Variants in ITFG1 observed in about 807,000 individuals in gnomAD.
The protein encoded by ITFG1 is integrin alpha FG-GAP repeat containing 1, also known as T-cell immunomodulatory protein.
Under a neutral mutation model 81.8 loss-of-function variants are expected in ITFG1, and 34 were observed. That is an observed-to-expected ratio of 0.42 (90% CI 0.32 to 0.55). ITFG1 has a LOEUF of 0.55. Among genes scored for constraint, ITFG1 ranks in the 20% least tolerant of loss-of-function variants. The pLI, the probability that ITFG1 is intolerant of heterozygous loss-of-function variation, is 0.17. For missense variants in ITFG1, 672 were observed against 755.4 expected, an observed-to-expected ratio of 0.89 and a Z score of 1.29; for synonymous variants, 285 against 270.6, an observed-to-expected ratio of 1.05 and a Z score of -0.52.
At chr16:47,378,729 T>A (rs1467565617) in intron 6 of ITFG1, among the ~76,000 whole-genome samples, 1 of 151,974 alleles carries the variant, frequency 6.6e-6, no homozygotes, top group Non-Finnish European at 1.5e-5. Flanking sequence ...ATAGAAAAAA[T>A]AAATGATTCA....
At chr16:47,290,898 T>C (rs1030248184) in intron 10 of ITFG1, among the ~76,000 whole-genome samples, 1 of 152,214 alleles carries the variant, frequency 6.6e-6, no homozygotes, top group Non-Finnish European at 1.5e-5. Context: ...ATTCCAATCT[T>C]GTTTATTAAT....
chr16:47,416,094 CA>C (rs1968870869), intron 6 of ITFG1, among the ~76,000 whole-genome samples: 1 of 151,940 alleles, frequency 6.6e-6, no homozygotes, highest in African/African-American at 2.4e-5. Flanking sequence ...AACTGTGTCT[CA>C]AAAACAAAAC....
At chr16:47,349,913 A>G (rs541593561) in intron 8 of ITFG1, among the ~76,000 whole-genome samples, 3 of 152,226 alleles carry the variant, frequency 2.0e-5, no homozygotes, top group Non-Finnish European at 4.4e-5. Flanking sequence ...AACTCACTCA[A>G]AACTGGTCAA....
intron 5 of ITFG1, among the ~76,000 whole-genome samples, chr16:47,443,384 C>A (rs1212917866): frequency 6.6e-6 from 1 of 152,126 alleles, no homozygotes; most frequent in African/African-American, 2.4e-5. Context: ...TTGACCCAGA[C>A]GTCCCATTAC....
intron 14 of ITFG1, among the ~76,000 whole-genome samples, chr16:47,173,967 G>A (rs1201582337): frequency 1.3e-5 from 2 of 152,186 alleles, no homozygotes; most frequent in Non-Finnish European, 2.9e-5. Flanking sequence ...TTGAACCAGG[G>A]AGGTGGAGGT....
intron 8 of ITFG1, among the ~76,000 whole-genome samples, chr16:47,333,408 TTAGAGACCTAGCAAGCAGC>T (rs1200428946): frequency 1.3e-5 from 2 of 152,160 alleles, no homozygotes; most frequent in Non-Finnish European, 2.9e-5. Flanking sequence ...TCATCCAGAA[TTAGAGACCTAGCAAGCAGC>T]TGAAAAATAT....
intron 8 of ITFG1, among the ~76,000 whole-genome samples, chr16:47,325,878 C>G (rs1967531093): frequency 6.6e-6 from 1 of 152,104 alleles, no homozygotes; most frequent in South Asian, 2.1e-4. Context: ...GATTCACAGC[C>G]AAATTCTACC....
intron 12 of ITFG1, among the ~76,000 whole-genome samples, chr16:47,246,068 CTAGAG>C (rs1225759985): frequency 2.6e-5 from 4 of 152,250 alleles, no homozygotes; most frequent in East Asian, 1.9e-4. Context: ...TTAGCATAGT[CTAGAG>C]TATTTACTAA....
chr16:47,412,773 A>G (rs1485288846), intron 6 of ITFG1, among the ~76,000 whole-genome samples: 3 of 152,108 alleles, frequency 2.0e-5, no homozygotes, highest in Admixed American at 2.0e-4. Context: ...AGACTCCCAG[A>G]GCATGAAGAC....
At chr16:47,217,144 G>GAA (rs11456301) in intron 14 of ITFG1, among the ~76,000 whole-genome samples, 174 of 150,584 alleles carry the variant, frequency 1.2e-3, no homozygotes, top group African/African-American at 2.4e-3. Context: ...ATCATTATAT[G>GAA]AAAAAAAAAG....
At chr16:47,455,637 C>T (rs918246954) in intron 2 of ITFG1, among the ~76,000 whole-genome samples, 1 of 151,316 alleles carries the variant, frequency 6.6e-6, no homozygotes, top group African/African-American at 2.4e-5. Flanking sequence ...GGCGTGGTGG[C>T]GTGCATCTCT....
intron 12 of ITFG1, among the ~76,000 whole-genome samples, chr16:47,250,146 C>A (rs1372514026): frequency 6.6e-6 from 1 of 152,116 alleles, no homozygotes; most frequent in Non-Finnish European, 1.5e-5. Flanking sequence ...TGCTTCCAGA[C>A]ATTCTTGTCA....
At chr16:47,250,262 T>C (rs912753945) in intron 12 of ITFG1, among the ~76,000 whole-genome samples, 1 of 151,980 alleles carries the variant, frequency 6.6e-6, no homozygotes, top group South Asian at 2.1e-4. Flanking sequence ...ATATGCTCTT[T>C]GTAAAAAAAT....
At chr16:47,181,448 G>T in intron 14 of ITFG1, among the ~76,000 whole-genome samples, 1 of 143,764 alleles carries the variant, frequency 7.0e-6, no homozygotes, top group South Asian at 2.2e-4. Context: ...CCGGGAGGGA[G>T]GTGGGGGGGG....
At chr16:47,398,544 A>G (rs1184705318) in intron 6 of ITFG1, among the ~76,000 whole-genome samples, 1 of 152,176 alleles carries the variant, frequency 6.6e-6, no homozygotes, top group Non-Finnish European at 1.5e-5. Flanking sequence ...GATGATGGTA[A>G]TTTATAAAAA....
intron 13 of ITFG1, among the ~76,000 whole-genome samples, chr16:47,223,033 T>A (rs1038328260): frequency 1.6e-4 from 24 of 151,858 alleles, no homozygotes; most frequent in African/African-American, 5.8e-4. Context: ...GCTAGCCATA[T>A]GTAGAAAGCT....
intron 14 of ITFG1, among the ~76,000 whole-genome samples, chr16:47,164,288 C>T (rs1209279825): frequency 6.6e-6 from 1 of 151,586 alleles, no homozygotes; most frequent in Non-Finnish European, 1.5e-5. Context: ...CTACATCTGG[C>T]TTCCTACTTG....
At chr16:47,276,448 A>C (rs1332301685) in intron 10 of ITFG1, among the ~76,000 whole-genome samples, 1 of 152,204 alleles carries the variant, frequency 6.6e-6, no homozygotes, top group Non-Finnish European at 1.5e-5. Flanking sequence ...TTCCTCAAAA[A>C]TTAATCTTTA....
chr16:47,221,876 G>C lies in ITFG1; in HGVS notation c.1375-2930C>G, dbSNP rs551631208. Among the ~76,000 whole-genome samples the C allele has an allele frequency of 6.8e-4, 103 of 152,286 alleles. 1 individual carries two copies. The highest frequency in any genetic ancestry group is 2.2e-3 in the African/African-American group (93 of 41,548). On this transcript the variant is annotated intron_variant, in intron 13 of 17. Coordinates refer to ENST00000320640, the MANE Select transcript of ITFG1 (RefSeq NM_030790.5). ...GATTTTCTAGTTTATTTGCGTAGAG[G>C]TGTTTGTAGTAATCTCTGATGGTAG...
Sources: allele counts gnomAD v4.1 joint callset (sites outside exome capture counted in the v4.1 genomes callset), GRCh38; gene constraint gnomAD v4.1.1; transcripts MANE v1.5; gene names NCBI Gene and HGNC (gene_info 2026-07-23, HGNC 2026-07-21).